ITPR2: variants seen among roughly 807,000 people sequenced by gnomAD.
ITPR2 encodes inositol 1,4,5-trisphosphate-gated calcium channel ITPR2.
ITPR2 carries 207 observed loss-of-function variants against 317.1 expected under a neutral mutation model. The observed-to-expected ratio is 0.65, with a 90% CI of 0.58 to 0.73. The LOEUF (loss-of-function observed/expected upper bound fraction) is 0.73. Ranked by LOEUF, ITPR2 falls within the 30% of genes least tolerant of loss-of-function variation. The pLI, the probability that ITPR2 is intolerant of heterozygous loss-of-function variation, is 0.00. For missense variants in ITPR2, 2,613 were observed against 3,284.0 expected, an observed-to-expected ratio of 0.80 and a Z score of 4.99; for synonymous variants, 1,156 against 1,149.1, an observed-to-expected ratio of 1.01 and a Z score of -0.12.
At chr12:26,759,424 GA>G (rs2137121531) in intron 2 of ITPR2, among the ~76,000 whole-genome samples, 1 of 152,300 alleles carries the variant, frequency 6.6e-6, no homozygotes, top group South Asian at 2.1e-4. Context: ...CAAAGGAAGA[GA>G]AAGAGTAATT....
chr12:26,535,028 AT>A (rs1944049236), intron 37 of ITPR2, among the ~76,000 whole-genome samples: 1 of 152,154 alleles, frequency 6.6e-6, no homozygotes, highest in Non-Finnish European at 1.5e-5. Flanking sequence ...ACAAGACAGG[AT>A]TTTTTGAGTT....
At chr12:26,822,975 GAA>G (rs908341642) in intron 1 of ITPR2, among the ~76,000 whole-genome samples, 2 of 151,874 alleles carry the variant, frequency 1.3e-5, no homozygotes, top group Non-Finnish European at 2.9e-5. Context: ...TTAAATGAAA[GAA>G]AAAAGTACCA....
chr12:26,779,220 A>C (rs1406820775), intron 2 of ITPR2, among the ~76,000 whole-genome samples: 1 of 152,072 alleles, frequency 6.6e-6, no homozygotes, highest in East Asian at 1.9e-4. Context: ...GGCCTCTAGG[A>C]TTTTGGAGCA....
chr12:26,623,204 G>A (rs1219137624), intron 24 of ITPR2, among the ~76,000 whole-genome samples: 1 of 152,136 alleles, frequency 6.6e-6, no homozygotes, highest in Non-Finnish European at 1.5e-5. Flanking sequence ...GTCAACCATG[G>A]TCCTAAAATA....
intron 2 of ITPR2, among the ~76,000 whole-genome samples, chr12:26,743,073 T>C (rs1192791980): frequency 6.6e-6 from 1 of 152,188 alleles, no homozygotes; most frequent in African/African-American, 2.4e-5. Flanking sequence ...AAAGTGACAA[T>C]GGTTGCACAA....
chr12:26,687,760 T>C (rs557427095), intron 10 of ITPR2, among the ~76,000 whole-genome samples: 52 of 152,258 alleles, frequency 3.4e-4, no homozygotes, highest in African/African-American at 1.1e-3. Context: ...AGGAGCAGGA[T>C]TGTTATCTGC....
At position 26,569,672 on chromosome 12, in the gene ITPR2, T is replaced by C. The variant is rs577482794; in HGVS notation, c.4631-7720A>G. 7.3e-5 allele frequency among the ~76,000 whole-genome samples: 11 copies of C among 151,574 alleles called. No individual in the cohort carries two copies. The East Asian group carries it at 1.6e-3, about 21-fold the overall frequency. On this transcript the variant is annotated intron_variant, in intron 34 of 56. Coordinates refer to ENST00000381340, the MANE Select transcript of ITPR2 (RefSeq NM_002223.4). The stretch of plus-strand genomic sequence containing the variant: ...TAAGAAAAAAACCTATTAGGAGAAA[T>C]AAGGAAAGCACAAGAAGTGACAGTT...
intron 2 of ITPR2, among the ~76,000 whole-genome samples, chr12:26,763,490 A>G (rs1033466188): frequency 6.6e-6 from 1 of 152,202 alleles, no homozygotes; most frequent in African/African-American, 2.4e-5. Flanking sequence ...TGATAAAACT[A>G]AAGAAAATAA....
At chr12:26,348,347 G>C (rs1938370732) in intron 55 of ITPR2, among the ~76,000 whole-genome samples, 1 of 152,168 alleles carries the variant, frequency 6.6e-6, no homozygotes, top group Non-Finnish European at 1.5e-5. Context: ...TGGTTATGGG[G>C]GCGTGTCTCA....
At chr12:26,426,288 T>C (rs561854057) in intron 49 of ITPR2, among the ~76,000 whole-genome samples, 133 of 152,312 alleles carry the variant, frequency 8.7e-4, no homozygotes, top group Non-Finnish European at 1.4e-3. Context: ...GCAATTTATG[T>C]TTTTAAAGAA....
At chr12:26,630,581 C>G (rs931612398) in intron 22 of ITPR2, 1 of 152,252 alleles carries the variant, frequency 6.6e-6, no homozygotes, top group Non-Finnish European at 1.5e-5. Context: ...CATTCAGAAA[C>G]AGTACTCAGA....
chr12:26,711,053 G>C, intron 9 of ITPR2, 120 bp downstream of exon 9: 1 of 640,328 alleles, frequency 1.6e-6, no homozygotes, highest in Non-Finnish European at 2.9e-6. Flanking sequence ...AATACTAGAG[G>C]CAACAATCAA....
intron 46 of ITPR2, among the ~76,000 whole-genome samples, chr12:26,443,008 G>A (rs1237445759): frequency 1.3e-5 from 2 of 152,004 alleles, no homozygotes; most frequent in Non-Finnish European, 2.9e-5. Context: ...CACACCTCCT[G>A]GACTGCCACC....
At chr12:26,418,565 C>T (rs1477898548) in intron 50 of ITPR2, among the ~76,000 whole-genome samples, 1 of 152,106 alleles carries the variant, frequency 6.6e-6, no homozygotes, top group Non-Finnish European at 1.5e-5. Context: ...AACTATAAGA[C>T]TGTTCTTAAA....
At chr12:26,714,255 C>T (rs80106935) in intron 8 of ITPR2, among the ~76,000 whole-genome samples, 5 of 152,046 alleles carry the variant, frequency 3.3e-5, no homozygotes, top group East Asian at 3.9e-4. Context: ...GTTATCTCTC[C>T]GTTTTTCAGT....
At chr12:26,478,729 GA>G (rs1414377760) in intron 43 of ITPR2, among the ~76,000 whole-genome samples, 1 of 151,960 alleles carries the variant, frequency 6.6e-6, no homozygotes, top group East Asian at 1.9e-4. Context: ...TCTTCTTAAA[GA>G]AGCCAGATTC....
At chr12:26,420,373 A>G (rs1170148654) in intron 49 of ITPR2, among the ~76,000 whole-genome samples, 2 of 152,198 alleles carry the variant, frequency 1.3e-5, no homozygotes, top group Non-Finnish European at 2.9e-5. Flanking sequence ...TTTGTTCAAT[A>G]TATATTAACA....
chr12:26,597,348 T>C (rs767042886), intron 30 of ITPR2, among the ~76,000 whole-genome samples: 2 of 152,176 alleles, frequency 1.3e-5, no homozygotes, highest in Admixed American at 6.6e-5. Context: ...GTTGAGGCGA[T>C]GTGGAAGCAG....
At position 26,711,238 on chromosome 12, in the gene ITPR2, C is replaced by T; in HGVS notation, c.886G>A (p.Ala296Thr). 1.9e-6 allele frequency: 3 copies of T among 1,613,840 alleles called. No individual in the cohort carries two copies. The highest frequency in any genetic ancestry group is 2.5e-6 in the Non-Finnish European group (3 of 1,179,792). ...CTGAACAAGCTGTTCCACTGTCCTGCACCCCCACGGCATGGGTCATGATGA... is the reference window on the plus strand; with the variant it reads ...CTGAACAAGCTGTTCCACTGTCCTGTACCCCCACGGCATGGGTCATGATGA... ...VVHHDPCRGG[A>T]GQWNSLFRFK... Residue 296 changes from alanine to threonine, a missense_variant, in exon 9 of 57, where the codon GCA becomes ACA. This residue lies in a region of ITPR2 where 515 missense variants were observed against 789.4 expected (regional missense o/e 0.65). Transcript: ENST00000381340.
Sources: gnomAD v4.1 joint callset for allele counts (sites outside exome capture counted in the v4.1 genomes callset) on GRCh38, gnomAD v4.1.1 for gene constraint, gnomAD v4.1.1 regional missense constraint, MANE v1.5 for transcripts, NCBI Gene and HGNC (gene_info 2026-07-23, HGNC 2026-07-21) for gene names.